Variants in DNASE1 observed in about 807,000 individuals in gnomAD.
The protein encoded by DNASE1 is deoxyribonuclease-1.
DNASE1 carries 40 observed loss-of-function variants against 33.9 expected under a neutral mutation model. The ratio of observed to expected loss-of-function variants is 1.18; its 90% CI spans 0.92 to 1.54. The LOEUF (loss-of-function observed/expected upper bound fraction) is 1.54. Among genes scored for constraint, DNASE1 ranks in the 40% most tolerant of loss-of-function variants. The pLI is 0.00. For synonymous variants in DNASE1, 216 were observed against 160.0 expected (o/e 1.35, Z -2.64); for missense variants, 518 against 372.6 (o/e 1.39, Z -3.21).
At chr16:3,664,658 G>A (rs1278533889) in exon 10 of DNASE1, 5 of 586,802 alleles carry the variant, frequency 8.5e-6, no homozygotes, top group Non-Finnish European at 1.4e-5. Context: ...GGAGCTCTGG[G>A]GGCTTAGGAA....
chr16:3,663,246 A>T (rs994486746), exon 10 of DNASE1: 2 of 796,298 alleles, frequency 2.5e-6, no homozygotes, highest in Admixed American at 2.9e-5. Context: ...CAGACCCCTG[A>T]TATCTAAACC....
In DNASE1 at chr16:3,657,787, C is replaced by A; in HGVS notation, c.772C>A (p.Gln258Lys). Residue 258 changes from glutamine to lysine, a missense_variant, in exon 8 of 9, where the codon CAG (glutamine) becomes AAG (lysine). Physicochemically the swap from Gln to Lys is moderately conservative, Grantham distance 53. Transcript: ENST00000246949. ...VPDSALPFNF[Q>K]AAYGLSDQLA... The stretch of plus-strand genomic sequence containing the variant: ...CGACTCGGCTCTTCCCTTTAACTTC[C>A]AGGCTGCCTATGGCCTGAGTGACCA... 1 of 1,614,060 alleles carries A rather than the reference C, an allele frequency of 6.2e-7. No homozygotes were observed. Among genetic ancestry groups the A allele is most frequent in the Non-Finnish European group, 8.5e-7 (1 of 1,179,998 alleles).
Position 3,655,844 on chromosome 16 carries a change from C to G in DNASE1, c.148-5C>G. ...TGCTCAGCACCACTGTGGCCCTGCC[C>G]CCAGATCCTGAGCCGCTATGACATC... On this transcript the variant is annotated splice_polypyrimidine_tract_variant and splice_region_variant and intron_variant, in intron 2 of 8. Transcript: ENST00000246949. 6.2e-7 allele frequency: 1 copy of G among 1,613,580 alleles called. No individual in the cohort carries two copies. Among genetic ancestry groups the G allele is most frequent in the Non-Finnish European group, 8.5e-7 (1 of 1,179,992 alleles).
intron 1 of DNASE1, among the ~76,000 whole-genome samples, chr16:3,625,126 G>A (rs1365330129): frequency 3.3e-5 from 5 of 152,138 alleles, no homozygotes; most frequent in African/African-American, 1.2e-4. Flanking sequence ...GGCCAACATG[G>A]TGAAACCCCG....
chr16:3,637,956 T>G (rs1200732324), upstream of DNASE1, among the ~76,000 whole-genome samples: 1 of 152,198 alleles, frequency 6.6e-6, no homozygotes, highest in African/African-American at 2.4e-5. Context: ...AAGGGGTTGT[T>G]TGCCAGTTCA....
chr16:3,641,082 G>A (rs556616624), upstream of DNASE1: 3 of 397,640 alleles, frequency 7.5e-6, no homozygotes, highest in South Asian at 1.4e-4. Context: ...CTGCTCCTGC[G>A]TGAGGCCCCA....
chr16:3,661,973 G>A, downstream of DNASE1: 1 of 1,590,952 alleles, frequency 6.3e-7, no homozygotes, highest in Non-Finnish European at 8.6e-7. Context: ...GAAGAGCCAG[G>A]AGCGTGGCCT....
At chr16:3,630,133 TTGTGTGTG>T (rs200194109) in intron 1 of DNASE1, among the ~76,000 whole-genome samples, 3 of 150,622 alleles carry the variant, frequency 2.0e-5, no homozygotes, top group Admixed American at 6.6e-5. Flanking sequence ...TTGTTTTTTG[TTGTGTGTG>T]TGTGTGTGTG....
At chr16:3,658,763 C>G, downstream of DNASE1, 2 of 1,605,434 alleles carry the variant, frequency 1.2e-6, no homozygotes, top group Non-Finnish European at 1.7e-6. Flanking sequence ...AGCCTGGGTC[C>G]CTGCAGTCAT....
At chr16:3,659,095 G>A (rs541254632), downstream of DNASE1, 3 of 517,052 alleles carry the variant, frequency 5.8e-6, no homozygotes, top group Non-Finnish European at 1.0e-5. Context: ...CAAACTCCAA[G>A]ATTAATATAC....
At chr16:3,633,014 G>T (rs1231139639) in intron 1 of DNASE1, among the ~76,000 whole-genome samples, 2 of 152,092 alleles carry the variant, frequency 1.3e-5, no homozygotes, top group Non-Finnish European at 2.9e-5. Flanking sequence ...TTCTGAGAAA[G>T]TCTTTATTTC....
chr16:3,620,138 A>G (rs2041255246), intron 1 of DNASE1, among the ~76,000 whole-genome samples: 1 of 150,876 alleles, frequency 6.6e-6, no homozygotes, highest in African/African-American at 2.4e-5. Flanking sequence ...CTGGTGTTGA[A>G]CTCCTGACCT....
At chr16:3,612,585 TGGGGGCGGG>T (rs1206465842) in intron 1 of DNASE1, among the ~76,000 whole-genome samples, 1 of 44,592 alleles carries the variant, frequency 2.2e-5, no homozygotes, top group Admixed American at 3.1e-4. Flanking sequence ...AGACGGGCGG[TGGGGGCGGG>T]GGGGGGAGTC....
At position 3,656,114 on chromosome 16, in the gene DNASE1, C is replaced by T. The variant is rs754777928; in HGVS notation, c.249C>T (p.Asp83=). 3.1e-5 allele frequency: 50 copies of T among 1,614,006 alleles called. No individual in the cohort carries two copies. The highest frequency in any genetic ancestry group is 3.9e-5 in the Non-Finnish European group (46 of 1,180,026). The change falls in exon 4 of 9, where the codon GAC becomes GAT. Residue 83 remains aspartate (D), a synonymous_variant. Coordinates refer to ENST00000246949, the MANE Select transcript of DNASE1 (RefSeq NM_005223.4). ...LLDNLNQDAP[D]TYHYVVSEPL... ...TTCTTCAATCCAGGGATGCACCAGACACCTATCACTACGTGGTCAGTGAGC... is the reference window on the plus strand; with the variant it reads ...TTCTTCAATCCAGGGATGCACCAGATACCTATCACTACGTGGTCAGTGAGC...
At chr16:3,641,144 C>T (rs992886638), upstream of DNASE1, 1 of 394,648 alleles carries the variant, frequency 2.5e-6, no homozygotes. Context: ...CATGGCCCTG[C>T]TGCAGCTCCA....
At chr16:3,663,582 G>A in exon 10 of DNASE1, 1 of 1,613,116 alleles carries the variant, frequency 6.2e-7, no homozygotes, top group Non-Finnish European at 8.5e-7. Flanking sequence ...GCCAAGAGCA[G>A]CTCCATCAGA....
chr16:3,634,124 T>C (rs1390877802), intron 1 of DNASE1, among the ~76,000 whole-genome samples: 2 of 151,710 alleles, frequency 1.3e-5, no homozygotes, highest in African/African-American at 4.8e-5. Flanking sequence ...GTGAAATTAT[T>C]GACAGCAATA....
intron 1 of DNASE1, among the ~76,000 whole-genome samples, chr16:3,624,998 C>T (rs760937959): frequency 1.2e-4 from 19 of 152,140 alleles, no homozygotes; most frequent in Non-Finnish European, 2.8e-4. Flanking sequence ...GCCCAGCCTG[C>T]AGTTTTTCTT....
downstream of DNASE1, chr16:3,659,444 A>T (rs1213795030): frequency 1.3e-5 from 2 of 152,210 alleles, no homozygotes; most frequent in African/African-American, 4.8e-5. Flanking sequence ...GAAATGTTTC[A>T]TCATCTCAGA....
Sources: allele counts gnomAD v4.1 joint callset (sites outside exome capture counted in the v4.1 genomes callset), GRCh38; gene constraint gnomAD v4.1.1; transcripts MANE v1.5; gene names NCBI Gene and HGNC (gene_info 2026-07-23, HGNC 2026-07-21).